Variants in PTGER3 observed in about 807,000 individuals in gnomAD.
The protein encoded by PTGER3 is prostaglandin E receptor 3.
In PTGER3, 22 loss-of-function variants were observed where a neutral mutation model predicts 34.7. The observed-to-expected ratio is 0.63, with a 90% CI of 0.45 to 0.91. The LOEUF (loss-of-function observed/expected upper bound fraction) is 0.91. Among genes scored for constraint, PTGER3 ranks in the 40% least tolerant of loss-of-function variants. The pLI is 0.00. For missense variants in PTGER3, 468 were observed against 519.4 expected (o/e 0.90, Z 0.96); for synonymous variants, 241 against 230.1 (o/e 1.05, Z -0.43).
chr1:71,032,855 G>T (rs1445438284), intron 1 of PTGER3, among the ~76,000 whole-genome samples: 4 of 152,166 alleles, frequency 2.6e-5, no homozygotes, highest in Non-Finnish European at 5.9e-5. Context: ...AGGAGAAAAA[G>T]AGGCCAACAG....
At position 70,865,097 on chromosome 1, in the gene PTGER3, A is replaced by C. The variant is rs148375179; in HGVS notation, c.*24-12238T>G. Among the ~76,000 whole-genome samples, 79 of 151,862 alleles carry C rather than the reference A, an allele frequency of 5.2e-4. 3 individuals carry two copies. The East Asian group carries it at 9.7e-3, about 19-fold the overall frequency. ...TTTCAAGGCAAGAAAATATGAAAAA[A>C]AATGATATTTTGGGAGATCTACAAT... On this transcript the variant is annotated intron_variant, in intron 4 of 4. Transcript: ENST00000370931.
At chr1:71,016,097 T>A (rs1657868769) in intron 1 of PTGER3, among the ~76,000 whole-genome samples, 1 of 152,148 alleles carries the variant, frequency 6.6e-6, no homozygotes, top group Non-Finnish European at 1.5e-5. Context: ...CACACTCAAT[T>A]AATATTTTTA....
At chr1:70,889,692 A>G (rs1646575126) in intron 4 of PTGER3, among the ~76,000 whole-genome samples, 1 of 152,164 alleles carries the variant, frequency 6.6e-6, no homozygotes, top group South Asian at 2.1e-4. Flanking sequence ...AATTCTTTTC[A>G]TATGGCTTAT....
At chr1:70,946,290 T>C (rs1439362972) in intron 4 of PTGER3, among the ~76,000 whole-genome samples, 1 of 152,126 alleles carries the variant, frequency 6.6e-6, no homozygotes, top group Non-Finnish European at 1.5e-5. Context: ...GAAGCCTTTA[T>C]ACTCTTGGAA....
exon 5 of PTGER3, chr1:70,852,756 G>T (rs2100417445): frequency 6.7e-7 from 1 of 1,483,298 alleles, no homozygotes; most frequent in Non-Finnish European, 9.4e-7. Flanking sequence ...TTTGGGAGGT[G>T]GGTGTTTCTG....
At chr1:70,874,388 T>G (rs1377314230) in intron 4 of PTGER3, among the ~76,000 whole-genome samples, 1 of 152,234 alleles carries the variant, frequency 6.6e-6, no homozygotes, top group Admixed American at 6.5e-5. Flanking sequence ...CAATTGCGTG[T>G]TGCCATGGGT....
At chr1:70,968,005 A>T (rs1652702354), downstream of PTGER3, among the ~76,000 whole-genome samples, 1 of 152,168 alleles carries the variant, frequency 6.6e-6, no homozygotes, top group South Asian at 2.1e-4. Context: ...TCTCTTACGT[A>T]TCCCTGGCTA....
intron 4 of PTGER3, among the ~76,000 whole-genome samples, chr1:70,865,251 T>G (rs1262747258): frequency 1.3e-5 from 2 of 152,052 alleles, no homozygotes; most frequent in Non-Finnish European, 2.9e-5. Context: ...GTCAGGAACA[T>G]GGGACTATCA....
At chr1:71,007,769 T>C in intron 2 of PTGER3, 2 of 985,352 alleles carry the variant, frequency 2.0e-6, no homozygotes, top group South Asian at 9.4e-5. Flanking sequence ...AATGATTGGC[T>C]GTTTTTGCCT....
chr1:70,978,891 C>T (rs1248695638), intron 2 of PTGER3, among the ~76,000 whole-genome samples: 1 of 152,080 alleles, frequency 6.6e-6, no homozygotes. Context: ...GGATATGAAG[C>T]CACTTTCTTT....
chr1:70,895,163 G>C (rs1471559517), intron 4 of PTGER3, among the ~76,000 whole-genome samples: 1 of 152,086 alleles, frequency 6.6e-6, no homozygotes, highest in African/African-American at 2.4e-5. Flanking sequence ...TGACAAATAG[G>C]AGAAATTACA....
At chr1:70,941,936 A>T (rs1024928388) in intron 4 of PTGER3, among the ~76,000 whole-genome samples, 2 of 152,106 alleles carry the variant, frequency 1.3e-5, no homozygotes, top group African/African-American at 4.8e-5. Flanking sequence ...AAAATCCTCA[A>T]ATTTATAAGA....
intron 1 of PTGER3, among the ~76,000 whole-genome samples, chr1:71,030,508 G>A (rs755702579): frequency 6.6e-6 from 1 of 152,176 alleles, no homozygotes; most frequent in Non-Finnish European, 1.5e-5. Flanking sequence ...AATAATATAT[G>A]TGACTTGTAC....
chr1:70,852,814 T>C lies in PTGER3; in HGVS notation c.*69A>G, dbSNP rs377189331. ...AAGAGAGTCATGGAGCTTCCAGTGATGTGATCCTGGCAGAAAGGCAGGTTT... is the reference window on the plus strand; with the variant it reads ...AAGAGAGTCATGGAGCTTCCAGTGACGTGATCCTGGCAGAAAGGCAGGTTT... On this transcript the variant is annotated 3_prime_UTR_variant, in exon 5 of 5. Transcript: ENST00000370931. 6 of 1,612,658 alleles carry C rather than the reference T, an allele frequency of 3.7e-6. No individual in the cohort carries two copies. In the African/African-American group the frequency reaches 5.3e-5, roughly 14 times the overall value.
At chr1:70,960,461 G>GA (rs996847698) in intron 2 of PTGER3, among the ~76,000 whole-genome samples, 11 of 151,566 alleles carry the variant, frequency 7.3e-5, no homozygotes, top group African/African-American at 2.4e-4. Context: ...TCCAAAAGGT[G>GA]AAAAAAAAGT....
intron 4 of PTGER3, chr1:70,865,890 G>T (rs1646031889): frequency 8.8e-7 from 1 of 1,139,490 alleles, no homozygotes; most frequent in Non-Finnish European, 1.2e-6. Flanking sequence ...CTCATCTAGA[G>T]CCACATCACA....
At chr1:70,873,781 G>T (rs1646216216) in intron 4 of PTGER3, among the ~76,000 whole-genome samples, 1 of 151,790 alleles carries the variant, frequency 6.6e-6, no homozygotes, top group South Asian at 2.1e-4. Flanking sequence ...CTGAGTAGCT[G>T]GGATTACAGG....
chr1:70,888,364 T>C (rs1646543314), intron 4 of PTGER3, among the ~76,000 whole-genome samples: 1 of 152,184 alleles, frequency 6.6e-6, no homozygotes, highest in South Asian at 2.1e-4. Context: ...AGATCCTATT[T>C]TTTTCAGCCT....
intron 3 of PTGER3, among the ~76,000 whole-genome samples, chr1:70,953,377 G>A (rs1032994940): frequency 6.6e-6 from 1 of 152,060 alleles, no homozygotes; most frequent in African/African-American, 2.4e-5. Context: ...CACATACTTG[G>A]TCTGGCAGTA....
Sources: gnomAD v4.1 joint callset for allele counts (sites outside exome capture counted in the v4.1 genomes callset) on GRCh38, gnomAD v4.1.1 for gene constraint, MANE v1.5 for transcripts, NCBI Gene and HGNC (gene_info 2026-07-23, HGNC 2026-07-21) for gene names.